CFAP46: variants seen among roughly 807,000 people sequenced by gnomAD.
CFAP46 encodes cilia and flagella associated protein 46.
A neutral mutation model predicts 325.7 loss-of-function variants in CFAP46; 245 were observed. That is an observed-to-expected ratio of 0.75 (90% CI 0.68 to 0.84). CFAP46 has a LOEUF of 0.84. Ranked by LOEUF, CFAP46 falls within the 40% of genes least tolerant of loss-of-function variation. The probability of loss-of-function intolerance (pLI) is 0.00; values close to 1 mark genes in which losing one functional copy is unlikely to be tolerated. For synonymous variants in CFAP46, 1,523 were observed against 1,495.9 expected (o/e 1.02, Z -0.42); for missense variants, 3,346 against 3,543.0 (o/e 0.94, Z 1.41).
At chr10:132,820,287 A>G (rs1019265342) in intron 50 of CFAP46, among the ~76,000 whole-genome samples, 1 of 150,532 alleles carries the variant, frequency 6.6e-6, no homozygotes, top group Non-Finnish European at 1.5e-5. Flanking sequence ...TTCCATATAC[A>G]TGAGGAATCT....
chr10:132,854,573 G>A (rs770555597), intron 39 of CFAP46, among the ~76,000 whole-genome samples: 1 of 152,080 alleles, frequency 6.6e-6, no homozygotes, highest in African/African-American at 2.4e-5. Context: ...TCCTGACCTC[G>A]TGATCTGCCC....
chr10:132,839,165 C>T (rs117033518), intron 44 of CFAP46, among the ~76,000 whole-genome samples: 542 of 152,320 alleles, frequency 3.6e-3, no homozygotes, highest in Non-Finnish European at 6.5e-3. Context: ...CCTTGACTCT[C>T]GGCAGGGCGT....
rs1448440399 is a variant in CFAP46, at chr10:132,879,420, C to T, written c.4005+6G>A. 6.7e-7 allele frequency: 1 copy of T among 1,502,310 alleles called. No homozygotes were observed. Among genetic ancestry groups the T allele is most frequent in the South Asian group, 1.3e-5 (1 of 76,902 alleles). The allele number at this position is 1,502,310 out of a possible 1,614,324, so 93.1% of individuals were successfully genotyped here. A position where few individuals can be genotyped will look rare whatever the true frequency, so the allele number is the denominator to read the frequency against. Reference sequence around the variant, plus strand: ...CAGGAGCAGGGGAGTCTGCGCTGGGCCTCACCTGCCAGATGTGCCTGAAGA... The same window carrying T: ...CAGGAGCAGGGGAGTCTGCGCTGGGTCTCACCTGCCAGATGTGCCTGAAGA... On this transcript the variant is annotated splice_donor_region_variant and intron_variant, in intron 29 of 57. Transcript: ENST00000368586.
In CFAP46 at chr10:132,831,220, C is replaced by CTGTGTGTGTG. The variant is rs56965336; in HGVS notation, c.7117+2128_7117+2137dup. On this transcript the variant is annotated intron_variant, in intron 50 of 57. Coordinates refer to ENST00000368586, the MANE Select transcript of CFAP46 (RefSeq NM_001200049.3). Reference sequence around the variant, plus strand: ...CTTAGGGTATATCTTGTCAAATGTTCTGTGTGTGTGTGTGTGTGTGTGTGT... The same window carrying CTGTGTGTGTG: ...CTTAGGGTATATCTTGTCAAATGTTCTGTGTGTGTGTGTGTGTGTGTGTGTGTGTGTGTGT... Among the ~76,000 whole-genome samples, 552 of 148,190 alleles carry CTGTGTGTGTG rather than the reference C, an allele frequency of 3.7e-3. 5 individuals carry two copies. The highest frequency in any genetic ancestry group is 9.9e-3 in the African/African-American group (391 of 39,590).
At chr10:132,836,700 G>C in intron 45 of CFAP46, 117 bp downstream of exon 45, 2 of 858,702 alleles carry the variant, frequency 2.3e-6, no homozygotes, top group South Asian at 3.0e-5. Context: ...GGCGTTTCCC[G>C]AGTCCCAGGC....
In CFAP46 at chr10:132,884,843, C is replaced by T. The variant is rs1446122540; in HGVS notation, c.3627+260G>A. ...TTGGGGCATCACCCTCTGGGCCCCC[C>T]TCACCCTGCTCAGGGACGAGGACCT... On this transcript the variant is annotated intron_variant, in intron 27 of 57. Transcript: ENST00000368586. The surrounding 1 kb of genome is among the most constrained non-coding windows in gnomAD (Gnocchi z 5.4). 2.0e-5 allele frequency among the ~76,000 whole-genome samples: 3 copies of T among 152,172 alleles called. No individual in the cohort carries two copies. The highest frequency in any genetic ancestry group is 4.8e-5 in the African/African-American group (2 of 41,436).
At chr10:132,908,778 T>C in intron 21 of CFAP46, 144 bp from the exon 22 acceptor site, 1 of 1,083,512 alleles carries the variant, frequency 9.2e-7, no homozygotes, top group East Asian at 2.6e-5. Context: ...AAAGCTGAGC[T>C]GCCACGTCCG....
intron 44 of CFAP46, among the ~76,000 whole-genome samples, chr10:132,845,055 C>T (rs1056410506): frequency 1.3e-5 from 2 of 152,180 alleles, no homozygotes; most frequent in East Asian, 1.9e-4. Context: ...CCAGCTTAGA[C>T]CACAGGCGCC....
Position 132,857,580 on chromosome 10 carries a change from A to G in CFAP46, c.5574+10T>C, listed in dbSNP as rs1366051605. The G allele has an allele frequency of 1.2e-6, 2 of 1,611,084 alleles. No individual in the cohort carries two copies. The highest frequency in any genetic ancestry group is 2.2e-5 in the East Asian group (1 of 44,862). ...ACCCAGTGTGCACAGGAACCAGGAC[A>G]CCTGCTTACGTCTTGAAGTGACAAT... On this transcript the variant is annotated intron_variant, in intron 39 of 57. Coordinates refer to ENST00000368586, the MANE Select transcript of CFAP46 (RefSeq NM_001200049.3).
rs1047742506 is a variant in CFAP46, at chr10:132,884,952, G to A, written c.3627+151C>T. 1.3e-4 allele frequency: 106 copies of A among 800,790 alleles called. No homozygotes were observed. Among genetic ancestry groups the A allele is most frequent in the South Asian group, 3.0e-4 (15 of 49,620 alleles). 49.6% of individuals were successfully genotyped at this position (800,790 alleles called of 1,614,324 possible). A position where few individuals can be genotyped will look rare whatever the true frequency, so the allele number is the denominator to read the frequency against. Reference sequence around the variant, plus strand: ...TGACTGGTCAGCAAGAGGAGTGCCCGGGGCCACGCGGTGCATTCTCTGTGC... The same window carrying A: ...TGACTGGTCAGCAAGAGGAGTGCCCAGGGCCACGCGGTGCATTCTCTGTGC... On this transcript the variant is annotated intron_variant, in intron 27 of 57. Transcript: ENST00000368586. The surrounding 1 kb of genome is among the most constrained non-coding windows in gnomAD (Gnocchi z 5.4).
At chr10:132,894,426 T>C (rs1034462546) in intron 24 of CFAP46, among the ~76,000 whole-genome samples, 13 of 152,102 alleles carry the variant, frequency 8.5e-5, no homozygotes, top group Non-Finnish European at 7.4e-5. Context: ...TAATCAACTT[T>C]ACATCATAAG....
chr10:132,871,226 C>T (rs1291577301), intron 32 of CFAP46, among the ~76,000 whole-genome samples: 1 of 152,248 alleles, frequency 6.6e-6, no homozygotes, highest in East Asian at 1.9e-4. Context: ...ATTGGCAATG[C>T]TTTGGCCACC....
At chr10:132,870,514 G>A (rs536217765) in intron 32 of CFAP46, among the ~76,000 whole-genome samples, 6 of 152,314 alleles carry the variant, frequency 3.9e-5, no homozygotes, top group Admixed American at 1.3e-4. Context: ...AGCTCCTACA[G>A]GGAACATATG....
At position 132,872,733 on chromosome 10, in the gene CFAP46, A is replaced by AC; in HGVS notation, c.4453dup (p.Val1485GlyfsTer38). ...TCCCACCACGGAGTCCGAAATCAGC[A>AC]CCCCCAACTGCAGGACGGGAACCGT... On this transcript the variant is annotated frameshift_variant, in exon 32 of 58. Coordinates refer to ENST00000368586, the MANE Select transcript of CFAP46 (RefSeq NM_001200049.3). LOFTEE classifies it high-confidence loss of function. 8 of 1,550,740 alleles carry AC rather than the reference A, an allele frequency of 5.2e-6. No homozygotes were observed. Among genetic ancestry groups the AC allele is most frequent in the Non-Finnish European group, 7.0e-6 (8 of 1,147,044 alleles).
chr10:132,920,295 G>C, intron 13 of CFAP46, 113 bp from the exon 14 acceptor site: 1 of 1,298,634 alleles, frequency 7.7e-7, no homozygotes, highest in South Asian at 1.6e-5. Context: ...CACAGGTAGC[G>C]GCTCCAGGGG....
At chr10:132,834,861 G>A (rs1390724181) in intron 47 of CFAP46, 86 bp from the exon 48 acceptor site, 37 of 1,487,138 alleles carry the variant, frequency 2.5e-5, no homozygotes, top group South Asian at 9.3e-5. Context: ...CAGAAAGGCC[G>A]AGCTCCTGCC....
At chr10:132,809,516 G>A (rs113061692) in intron 57 of CFAP46, among the ~76,000 whole-genome samples, 10 of 152,248 alleles carry the variant, frequency 6.6e-5, no homozygotes, top group South Asian at 4.1e-4. Flanking sequence ...CCTTGGGACC[G>A]GTATCCCCGG....
intron 9 of CFAP46, among the ~76,000 whole-genome samples, chr10:132,928,569 T>C (rs1029496267): frequency 6.6e-6 from 1 of 152,186 alleles, no homozygotes; most frequent in Admixed American, 6.5e-5. Context: ...GCTCCCCCCG[T>C]GCTGAGCCAT....
chr10:132,893,715 C>T (rs578102251), intron 24 of CFAP46, among the ~76,000 whole-genome samples: 9 of 152,352 alleles, frequency 5.9e-5, no homozygotes, highest in South Asian at 4.1e-4. Context: ...TCAGGTCTCC[C>T]GCTCGGCCTC....
Sources: allele counts gnomAD v4.1 joint callset (sites outside exome capture counted in the v4.1 genomes callset), GRCh38; gene constraint gnomAD v4.1.1; non-coding constraint Gnocchi (gnomAD v3.1); transcripts MANE v1.5; gene names NCBI Gene and HGNC (gene_info 2026-07-23, HGNC 2026-07-21).